The following PCDH15 variants were observed in gnomAD, a reference collection of about 807,000 sequenced individuals.
PCDH15 encodes the protein protocadherin-15.
PCDH15 carries 129 observed loss-of-function variants against 178.5 expected under a neutral mutation model. The observed-to-expected ratio is 0.72, with a 90% CI of 0.63 to 0.84. PCDH15 has a LOEUF of 0.84. Among genes scored for constraint, PCDH15 ranks in the 40% least tolerant of loss-of-function variants. The pLI is 0.00. For missense variants in PCDH15, 2,230 were observed against 2,099.9 expected (o/e 1.06, Z -1.21); for synonymous variants, 800 against 732.0 (o/e 1.09, Z -1.50).
intron 1 of PCDH15, among the ~76,000 whole-genome samples, chr10:54,748,743 A>G (rs964056468): frequency 6.6e-6 from 1 of 152,186 alleles, no homozygotes; most frequent in Non-Finnish European, 1.5e-5. Context: ...TCTAATATAA[A>G]CAGGCTCATA....
rs546353052 is a variant in PCDH15 at position 54,819,993 on chromosome 10, T to A, written c.-29+77457A>T. Among the ~76,000 whole-genome samples, 14 of 121,994 alleles carry A rather than the reference T, an allele frequency of 1.1e-4. 1 individual carries two copies. The Admixed American group carries it at 1.3e-3, about 12-fold the overall frequency. 80.0% of individuals were successfully genotyped at this position (121,994 alleles called of 152,430 possible). A position where few individuals can be genotyped will look rare whatever the true frequency, so the allele number is the denominator to read the frequency against. On this transcript the variant is annotated intron_variant, in intron 3 of 5. Transcript: ENST00000458638. ...ATTACTTGATTAAAGTAGTATCAACTGCTGTCAAAATAAGTTTCTGGAAAA... is the reference window on the plus strand; with the variant it reads ...ATTACTTGATTAAAGTAGTATCAACAGCTGTCAAAATAAGTTTCTGGAAAA...
At chr10:55,150,407 A>G (rs906511839) in intron 2 of PCDH15, among the ~76,000 whole-genome samples, 2 of 152,188 alleles carry the variant, frequency 1.3e-5, no homozygotes, top group African/African-American at 4.8e-5. Flanking sequence ...AAGTCAAAAT[A>G]AAGAGTAATT....
rs547550229 is a variant in PCDH15, at chr10:54,343,280, G to C, written c.594+3085C>G. 2.5e-4 allele frequency among the ~76,000 whole-genome samples: 38 copies of C among 152,134 alleles called. No homozygotes were observed. The South Asian group carries it at 6.0e-3, about 24-fold the overall frequency. ...GGGCAGTTTTCCCCCTGCTGTTTTT[G>C]TGAGAGTGAGGGCATTCTCATGAGG... On this transcript the variant is annotated intron_variant, in intron 6 of 37. Transcript: ENST00000644397.
chr10:54,752,447 A>C, intron 1 of PCDH15, among the ~76,000 whole-genome samples: 1 of 146,526 alleles, frequency 6.8e-6, no homozygotes. Context: ...ACTGCACTCC[A>C]GCCTGGGTGA....
At chr10:54,732,192 A>C (rs1943501215) in intron 1 of PCDH15, among the ~76,000 whole-genome samples, 1 of 151,376 alleles carries the variant, frequency 6.6e-6, no homozygotes, top group South Asian at 2.1e-4. Context: ...TGAGAAGCAG[A>C]CAAACTTAAA....
chr10:55,541,542 G>C (rs1210118147), intron 2 of PCDH15, among the ~76,000 whole-genome samples: 1 of 151,642 alleles, frequency 6.6e-6, no homozygotes, highest in Non-Finnish European at 1.5e-5. Context: ...TATTTACTGT[G>C]CTTTAGATTT....
intron 3 of PCDH15, among the ~76,000 whole-genome samples, chr10:54,518,801 A>G (rs921009393): frequency 6.6e-6 from 1 of 152,230 alleles, no homozygotes; most frequent in Non-Finnish European, 1.5e-5. Flanking sequence ...ACATTGATGC[A>G]GAAATCCTCA....
intron 15 of PCDH15, among the ~76,000 whole-genome samples, 190 bp downstream of exon 15, chr10:54,132,685 A>G (rs2042537890): frequency 6.6e-6 from 1 of 152,326 alleles, no homozygotes. Flanking sequence ...GATCAATAGA[A>G]TAGATTAGCT....
intron 2 of PCDH15, among the ~76,000 whole-genome samples, chr10:55,065,129 A>G (rs3858273): frequency 0.067 from 10,220 of 152,110 alleles, 450 homozygotes; most frequent in African/African-American, 0.11. Flanking sequence ...ATTTAAAAAT[A>G]GAAGACAAAT....
upstream of PCDH15, among the ~76,000 whole-genome samples, chr10:54,803,870 T>G (rs1313283377): frequency 1.3e-5 from 2 of 152,296 alleles, no homozygotes; most frequent in East Asian, 1.9e-4. Context: ...ATTAAAAAAT[T>G]TTAAAAGTCA....
chr10:54,198,830 A>G (rs927987654), intron 10 of PCDH15, among the ~76,000 whole-genome samples: 1 of 152,146 alleles, frequency 6.6e-6, no homozygotes, highest in Non-Finnish European at 1.5e-5. Flanking sequence ...ATGCTATGAA[A>G]AGTCATAAAT....
chr10:55,185,773 A>G (rs531655172), intron 1 of PCDH15, among the ~76,000 whole-genome samples: 7 of 151,866 alleles, frequency 4.6e-5, no homozygotes, highest in African/African-American at 1.7e-4. Flanking sequence ...AAACAATCAC[A>G]AACGAAGGTA....
intron 25 of PCDH15, among the ~76,000 whole-genome samples, chr10:53,931,007 A>T (rs1365175909): frequency 6.6e-6 from 1 of 152,218 alleles, no homozygotes; most frequent in Non-Finnish European, 1.5e-5. Flanking sequence ...GAAAATACGG[A>T]TGCTTAACAG....
chr10:54,664,104 TG>T, intron 2 of PCDH15, 67 bp downstream of exon 2: 3 of 1,112,988 alleles, frequency 2.7e-6, no homozygotes, highest in Non-Finnish European at 4.1e-6. Flanking sequence ...TTCATCTCTG[TG>T]GTATATTTTC....
At chr10:53,991,701 C>T (rs941200982) in intron 21 of PCDH15, among the ~76,000 whole-genome samples, 3 of 152,026 alleles carry the variant, frequency 2.0e-5, no homozygotes, top group African/African-American at 7.2e-5. Context: ...CCAATCAGTG[C>T]TCTGTGTCTA....
intron 1 of PCDH15, among the ~76,000 whole-genome samples, chr10:55,185,007 A>C (rs1248229541): frequency 6.6e-6 from 1 of 151,894 alleles, no homozygotes; most frequent in Admixed American, 6.6e-5. Flanking sequence ...CATTATTAAG[A>C]ATTCCAATAG....
At chr10:54,974,249 A>G (rs1262626644) in intron 2 of PCDH15, among the ~76,000 whole-genome samples, 1 of 152,144 alleles carries the variant, frequency 6.6e-6, no homozygotes, top group Admixed American at 6.6e-5. Flanking sequence ...GAAGTATTAT[A>G]CAACTGAGCA....
intron 2 of PCDH15, among the ~76,000 whole-genome samples, chr10:55,007,226 A>G (rs1035653791): frequency 8.5e-5 from 13 of 152,180 alleles, no homozygotes; most frequent in African/African-American, 2.7e-4. Context: ...GTATTTCTTC[A>G]TATCAATACA....
intron 3 of PCDH15, among the ~76,000 whole-genome samples, chr10:54,472,057 G>A (rs2077956087): frequency 6.6e-6 from 1 of 152,070 alleles, no homozygotes. Context: ...AGGGGGAAAG[G>A]AAAGTGGGCA....
Sources: gnomAD v4.1 joint callset for allele counts (sites outside exome capture counted in the v4.1 genomes callset) on GRCh38, gnomAD v4.1.1 for gene constraint, MANE v1.5 for transcripts, NCBI Gene and HGNC (gene_info 2026-07-23, HGNC 2026-07-21) for gene names.